Variants in CNTNAP2 observed in about 807,000 individuals in gnomAD.
CNTNAP2 encodes the protein contactin associated protein 2, also known as contactin-associated protein-like 2.
CNTNAP2 carries 98 observed loss-of-function variants against 155.2 expected under a neutral mutation model. That is an observed-to-expected ratio of 0.63 (90% CI 0.54 to 0.75). The LOEUF (loss-of-function observed/expected upper bound fraction) is 0.75. Ranked by LOEUF, CNTNAP2 falls within the 30% of genes least tolerant of loss-of-function variation. The pLI, the probability that CNTNAP2 is intolerant of heterozygous loss-of-function variation, is 0.00. For missense variants in CNTNAP2, 1,727 were observed against 1,688.1 expected (o/e 1.02, Z -0.40); for synonymous variants, 651 against 631.2 (o/e 1.03, Z -0.47).
chr7:148,173,354 C>CATATGGG lies in CNTNAP2; in HGVS notation c.3010+877_3010+883dup, dbSNP rs1794866107. Among the ~76,000 whole-genome samples, 5 of 152,286 alleles carry CATATGGG rather than the reference C, an allele frequency of 3.3e-5. No individual in the cohort carries two copies. In the South Asian group the frequency reaches 1.0e-3, roughly 32 times the overall value. ...CCTCTCTTTCTAAATGAATGTATAG[C>CATATGGG]ATATGGGTAAAGTTTTCTGTGAGCG... is the stretch of plus-strand genomic sequence containing the variant. On this transcript the variant is annotated intron_variant, in intron 18 of 23. Coordinates refer to ENST00000361727, the MANE Select transcript of CNTNAP2 (RefSeq NM_014141.6).
chr7:148,221,762 A>C (rs2373345), intron 19 of CNTNAP2, among the ~76,000 whole-genome samples: 143,723 of 152,206 alleles, frequency 0.94, 67,930 homozygotes, highest in East Asian at 1. Context: ...ACCACTGCCC[A>C]TCAGACACTT....
chr7:147,006,950 G>A (rs1312752806), intron 3 of CNTNAP2, among the ~76,000 whole-genome samples: 1 of 152,086 alleles, frequency 6.6e-6, no homozygotes, highest in African/African-American at 2.4e-5. Context: ...AGAATGAGAT[G>A]CATTGACTGA....
At chr7:147,587,478 T>C (rs780399395) in intron 12 of CNTNAP2, among the ~76,000 whole-genome samples, 2 of 152,200 alleles carry the variant, frequency 1.3e-5, no homozygotes, top group Non-Finnish European at 2.9e-5. Context: ...CATTTCAGCA[T>C]ACTTTACCTC....
intron 1 of CNTNAP2, among the ~76,000 whole-genome samples, chr7:146,463,771 A>C (rs897334329): frequency 2.6e-5 from 4 of 152,150 alleles, no homozygotes; most frequent in Non-Finnish European, 5.9e-5. Flanking sequence ...ATAAGTTTTC[A>C]TCAATACTAG....
At chr7:146,166,962 A>G (rs1218408414) in intron 1 of CNTNAP2, among the ~76,000 whole-genome samples, 1 of 152,218 alleles carries the variant, frequency 6.6e-6, no homozygotes, top group Non-Finnish European at 1.5e-5. Context: ...CGTGAAAGAC[A>G]TGGAATGAAG....
intron 13 of CNTNAP2, among the ~76,000 whole-genome samples, chr7:147,647,932 G>C (rs919326149): frequency 6.6e-6 from 1 of 152,164 alleles, no homozygotes; most frequent in Non-Finnish European, 1.5e-5. Context: ...TCCTAGAGAG[G>C]AAGCCATCCC....
chr7:146,452,977 C>A (rs1489500459), intron 1 of CNTNAP2, among the ~76,000 whole-genome samples: 1 of 152,170 alleles, frequency 6.6e-6, no homozygotes, highest in Non-Finnish European at 1.5e-5. Flanking sequence ...CTACAACAGC[C>A]CCAGCTACTG....
At chr7:146,340,286 GTTTT>G (rs548459768) in intron 1 of CNTNAP2, among the ~76,000 whole-genome samples, 19 of 93,836 alleles carry the variant, frequency 2.0e-4, no homozygotes, top group African/African-American at 6.9e-4. Context: ...TGTTGTTGTT[GTTTT>G]TTTTTTTTTT....
intron 21 of CNTNAP2, among the ~76,000 whole-genome samples, chr7:148,279,068 A>G (rs1410798875): frequency 1.3e-5 from 2 of 152,208 alleles, no homozygotes; most frequent in African/African-American, 2.4e-5. Flanking sequence ...CCAGCAGCCA[A>G]TTGCACAGAT....
chr7:146,263,262 C>T (rs1239137972), intron 1 of CNTNAP2, among the ~76,000 whole-genome samples: 3 of 146,792 alleles, frequency 2.0e-5, no homozygotes, highest in Non-Finnish European at 3.0e-5. Context: ...AGGGAGTGAG[C>T]GAGGGAGGGA....
At position 146,690,152 on chromosome 7, in the gene CNTNAP2, G is replaced by A. The variant is rs190703531; in HGVS notation, c.98-84119G>A. ...CTATCTGCAAGAATTCCATTTACTG[G>A]AATCGATTTAAATAATACCAGTCTT... On this transcript the variant is annotated intron_variant, in intron 1 of 23. Coordinates refer to ENST00000361727, the MANE Select transcript of CNTNAP2 (RefSeq NM_014141.6). 6.7e-3 allele frequency among the ~76,000 whole-genome samples: 1,011 copies of A among 151,948 alleles called. 6 individuals are homozygous for A. The highest frequency in any genetic ancestry group is 0.011 in the Admixed American group (172 of 15,240).
At chr7:146,970,175 A>G (rs1797753458) in intron 3 of CNTNAP2, among the ~76,000 whole-genome samples, 3 of 152,200 alleles carry the variant, frequency 2.0e-5, no homozygotes, top group East Asian at 3.8e-4. Flanking sequence ...CCAAAACACC[A>G]AAAGCAATGG....
chr7:146,315,235 T>A (rs1194156014), intron 1 of CNTNAP2, among the ~76,000 whole-genome samples: 2 of 152,138 alleles, frequency 1.3e-5, no homozygotes, highest in African/African-American at 4.8e-5. Flanking sequence ...CAGAGGCAGT[T>A]CAAATTCTTC....
intron 11 of CNTNAP2, among the ~76,000 whole-genome samples, chr7:147,535,885 G>A (rs1459679263): frequency 6.7e-6 from 1 of 149,320 alleles, no homozygotes; most frequent in South Asian, 2.1e-4. Flanking sequence ...GGCGTTGCCA[G>A]GAAATAGGGA....
At chr7:147,619,263 G>A (rs1439196181) in intron 12 of CNTNAP2, among the ~76,000 whole-genome samples, 1 of 152,152 alleles carries the variant, frequency 6.6e-6, no homozygotes, top group East Asian at 1.9e-4. Context: ...GTTTCTGTTT[G>A]CATTATATGC....
intron 15 of CNTNAP2, among the ~76,000 whole-genome samples, chr7:147,993,483 T>C (rs1002026183): frequency 2.0e-5 from 3 of 152,254 alleles, no homozygotes; most frequent in Non-Finnish European, 4.4e-5. Flanking sequence ...GACAGTTTGC[T>C]TGGCTTATGC....
chr7:148,360,624 G>A (rs1468246968), intron 21 of CNTNAP2, among the ~76,000 whole-genome samples: 2 of 152,132 alleles, frequency 1.3e-5, no homozygotes, highest in Non-Finnish European at 2.9e-5. Flanking sequence ...TTTAGGTAGT[G>A]CATGCTGTGG....
At chr7:146,581,934 C>T (rs1019606501) in intron 1 of CNTNAP2, among the ~76,000 whole-genome samples, 1 of 151,834 alleles carries the variant, frequency 6.6e-6, no homozygotes, top group Non-Finnish European at 1.5e-5. Context: ...ATTCTGACCA[C>T]GAGGAGTTTA....
rs1444756388 is a variant in CNTNAP2 at position 147,885,519 on chromosome 7, C to T, written c.2099-18046C>T. On this transcript the variant is annotated intron_variant, in intron 13 of 23. Coordinates refer to ENST00000361727, the MANE Select transcript of CNTNAP2 (RefSeq NM_014141.6). Reference sequence around the variant, plus strand: ...CAGATTCATTCAGAACTCCACCCCCCGCCACCCCGCCCCATCTTGCAGAAG... The same window carrying T: ...CAGATTCATTCAGAACTCCACCCCCTGCCACCCCGCCCCATCTTGCAGAAG... 3.9e-5 allele frequency among the ~76,000 whole-genome samples: 6 copies of T among 152,242 alleles called. No individual in the cohort carries two copies. In the South Asian group the frequency reaches 8.3e-4, roughly 21 times the overall value.
Sources: allele counts gnomAD v4.1 joint callset (sites outside exome capture counted in the v4.1 genomes callset), GRCh38; gene constraint gnomAD v4.1.1; transcripts MANE v1.5; gene names NCBI Gene and HGNC (gene_info 2026-07-23, HGNC 2026-07-21).